Variants in SH3GL2 observed in about 807,000 individuals in gnomAD.
SH3GL2 encodes the protein endophilin-A1.
In SH3GL2, 24 loss-of-function variants were observed where a neutral mutation model predicts 46.0. That is an observed-to-expected ratio of 0.52 (90% CI 0.38 to 0.73). The LOEUF (loss-of-function observed/expected upper bound fraction) is 0.73, where lower values mean the gene tolerates loss of function less well. Among genes scored for constraint, SH3GL2 ranks in the 30% least tolerant of loss-of-function variants. The probability of loss-of-function intolerance (pLI) is 0.00; values close to 1 mark genes in which losing one functional copy is unlikely to be tolerated. For missense variants in SH3GL2, 413 were observed against 424.2 expected (o/e 0.97, Z 0.23); for synonymous variants, 196 against 147.1 (o/e 1.33, Z -2.40).
intron 1 of SH3GL2, among the ~76,000 whole-genome samples, chr9:17,741,236 A>G (rs1822520631): frequency 6.6e-6 from 1 of 152,184 alleles, no homozygotes; most frequent in Non-Finnish European, 1.5e-5. Context: ...GAAAAGTATT[A>G]TGTTTATTTT....
chr9:17,652,516 A>G (rs1477843290), intron 1 of SH3GL2, among the ~76,000 whole-genome samples: 1 of 152,122 alleles, frequency 6.6e-6, no homozygotes, highest in Non-Finnish European at 1.5e-5. Context: ...GTGCTTCAGA[A>G]GAGCAGCTAG....
chr9:17,585,696 C>T (rs1050411502), intron 1 of SH3GL2, among the ~76,000 whole-genome samples: 2 of 152,130 alleles, frequency 1.3e-5, no homozygotes, highest in African/African-American at 4.8e-5. Flanking sequence ...CAGCTCAGTG[C>T]AGTTCACAGT....
At chr9:17,684,437 G>A (rs28547228) in intron 1 of SH3GL2, among the ~76,000 whole-genome samples, 32,432 of 151,966 alleles carry the variant, frequency 0.21, 5,085 homozygotes, top group African/African-American at 0.43. Flanking sequence ...ACCCAAAAAT[G>A]TTAGAGCCCC....
intron 1 of SH3GL2, among the ~76,000 whole-genome samples, chr9:17,607,677 A>G (rs1178917093): frequency 6.6e-6 from 1 of 152,152 alleles, no homozygotes; most frequent in African/African-American, 2.4e-5. Flanking sequence ...TTCTGTATAT[A>G]TTTACATCAT....
chr9:17,768,049 G>A (rs1823366750), intron 3 of SH3GL2, among the ~76,000 whole-genome samples: 1 of 152,102 alleles, frequency 6.6e-6, no homozygotes, highest in Non-Finnish European at 1.5e-5. Context: ...TCTAAACAAT[G>A]AATGCTAAAG....
In SH3GL2 at chr9:17,595,469, C is replaced by T. The variant is rs193196343; in HGVS notation, c.45+16182C>T. 2.6e-5 allele frequency among the ~76,000 whole-genome samples: 4 copies of T among 152,258 alleles called. No homozygotes were observed. In the East Asian group the frequency reaches 5.8e-4, roughly 22 times the overall value. ...GCAAGAGTATAAGAACATGGATCCC[C>T]GTTTATGGTGGGAGTGTAAACTGTT... On this transcript the variant is annotated intron_variant, in intron 1 of 8. Coordinates refer to ENST00000380607, the MANE Select transcript of SH3GL2 (RefSeq NM_003026.5).
intron 1 of SH3GL2, among the ~76,000 whole-genome samples, chr9:17,661,586 A>C (rs1003824957): frequency 1.3e-5 from 2 of 152,212 alleles, no homozygotes; most frequent in African/African-American, 4.8e-5. Context: ...ATTTATGTTT[A>C]TTTAAATAAG....
At chr9:17,624,138 G>T (rs545537244) in intron 1 of SH3GL2, among the ~76,000 whole-genome samples, 1 of 152,290 alleles carries the variant, frequency 6.6e-6, no homozygotes, top group Non-Finnish European at 1.5e-5. Flanking sequence ...GCTGCCTCAT[G>T]ATTAGATTCA....
intron 1 of SH3GL2, among the ~76,000 whole-genome samples, chr9:17,636,759 G>T (rs114644878): frequency 0.015 from 2,313 of 152,220 alleles, 49 homozygotes; most frequent in African/African-American, 0.053. Context: ...TCCACTGTAC[G>T]TACTACTTAC....
intron 1 of SH3GL2, among the ~76,000 whole-genome samples, chr9:17,581,159 A>G (rs1057105772): frequency 2.0e-5 from 3 of 152,256 alleles, no homozygotes; most frequent in Admixed American, 6.5e-5. Context: ...GCTGTGAAGA[A>G]GTTACCCAAG....
At chr9:17,587,690 C>G (rs754743488) in intron 1 of SH3GL2, among the ~76,000 whole-genome samples, 4 of 152,124 alleles carry the variant, frequency 2.6e-5, no homozygotes, top group Non-Finnish European at 4.4e-5. Context: ...CCAGCCTGGA[C>G]AACATGGTGA....
intron 1 of SH3GL2, among the ~76,000 whole-genome samples, chr9:17,654,540 T>C (rs7854853): frequency 0.049 from 7,483 of 152,272 alleles, 636 homozygotes; most frequent in African/African-American, 0.17. Flanking sequence ...GTAAGACTAG[T>C]CTGTGAAAGC....
At chr9:17,694,580 C>G (rs865989849) in intron 1 of SH3GL2, among the ~76,000 whole-genome samples, 1 of 152,126 alleles carries the variant, frequency 6.6e-6, no homozygotes, top group African/African-American at 2.4e-5. Context: ...TTTTCCCCTT[C>G]CACTGCAATA....
At chr9:17,659,603 C>T (rs181611533) in intron 1 of SH3GL2, among the ~76,000 whole-genome samples, 2 of 152,130 alleles carry the variant, frequency 1.3e-5, no homozygotes, top group Non-Finnish European at 2.9e-5. Context: ...CAGTGTTGTA[C>T]TTACACGCTC....
intron 1 of SH3GL2, among the ~76,000 whole-genome samples, chr9:17,721,295 A>G (rs1215617214): frequency 1.3e-5 from 2 of 152,130 alleles, no homozygotes; most frequent in East Asian, 3.9e-4. Context: ...TACAAAAGTA[A>G]TATGTATTTA....
At chr9:17,651,159 A>G (rs1819949051) in intron 1 of SH3GL2, among the ~76,000 whole-genome samples, 1 of 151,918 alleles carries the variant, frequency 6.6e-6, no homozygotes, top group Admixed American at 6.6e-5. Context: ...GTAAACTTTC[A>G]GCTTTTGCTT....
intron 1 of SH3GL2, among the ~76,000 whole-genome samples, chr9:17,625,504 T>A (rs978972853): frequency 6.6e-6 from 1 of 152,356 alleles, no homozygotes; most frequent in African/African-American, 2.4e-5. Context: ...TGGGATCCTC[T>A]GGACAATACC....
chr9:17,587,899 C>CAA (rs398068497), intron 1 of SH3GL2, among the ~76,000 whole-genome samples: 14 of 140,800 alleles, frequency 9.9e-5, no homozygotes, highest in African/African-American at 3.3e-4. Context: ...AAACAAAAAC[C>CAA]AAAAAAAAAA....
chr9:17,793,349 C>CT lies in SH3GL2; in HGVS notation c.729-14dup. On this transcript the variant is annotated splice_polypyrimidine_tract_variant and intron_variant, in intron 7 of 8. Transcript: ENST00000380607. ...AACTGGTTACATAACCTTTCCACCA[C>CT]TTTTCTTTTTACTGCAGAATAAGAC... is the stretch of plus-strand genomic sequence containing the variant. The CT allele has an allele frequency of 6.2e-7, 1 of 1,602,672 alleles. No homozygotes were observed.
Sources: gnomAD v4.1 joint callset for allele counts (sites outside exome capture counted in the v4.1 genomes callset) on GRCh38, gnomAD v4.1.1 for gene constraint, MANE v1.5 for transcripts, NCBI Gene and HGNC (gene_info 2026-07-23, HGNC 2026-07-21) for gene names.